The following POM121C variants were observed in gnomAD, a reference collection of about 807,000 sequenced individuals.
POM121C encodes nuclear envelope pore membrane protein POM 121C.
Under a neutral mutation model 66.4 loss-of-function variants are expected in POM121C, and 20 were observed. The ratio of observed to expected loss-of-function variants is 0.30; its 90% confidence interval spans 0.21 to 0.44. The LOEUF (loss-of-function observed/expected upper bound fraction) is 0.44, where lower values mean the gene tolerates loss of function less well. Among genes scored for constraint, POM121C ranks in the 20% least tolerant of loss-of-function variants. POM121C has a pLI of 1.00. For synonymous variants in POM121C, 286 were observed against 528.0 expected (o/e 0.54, Z 6.28); for missense variants, 580 against 1,225.7 (o/e 0.47, Z 7.87).
At chr7:75,476,356 C>T (rs1268925109) in intron 1 of POM121C, among the ~76,000 whole-genome samples, 2 of 151,990 alleles carry the variant, frequency 1.3e-5, no homozygotes, top group African/African-American at 4.8e-5. Context: ...CTTGGCCTCC[C>T]AAAGTATTGG....
chr7:75,463,141 A>G (rs1387077337), intron 3 of POM121C, among the ~76,000 whole-genome samples: 4 of 152,024 alleles, frequency 2.6e-5, no homozygotes, highest in African/African-American at 9.7e-5. Flanking sequence ...TGGCCAACAT[A>G]GTGAAACCCC....
chr7:75,428,670 A>C (rs1790053889), intron 7 of POM121C, among the ~76,000 whole-genome samples: 1 of 152,220 alleles, frequency 6.6e-6, no homozygotes, highest in Non-Finnish European at 1.5e-5. Context: ...CACATCACTG[A>C]GCAAGCAAGG....
At chr7:75,476,840 G>C (rs1158610435) in intron 1 of POM121C, among the ~76,000 whole-genome samples, 2 of 151,860 alleles carry the variant, frequency 1.3e-5, no homozygotes, top group Non-Finnish European at 2.9e-5. Flanking sequence ...ATATAGACTA[G>C]TTTAATATTT....
rs1187393670 is a variant in POM121C, at chr7:75,449,358, TTCTC to T, written c.-151-7715_-151-7712del. 4.0e-3 allele frequency among the ~76,000 whole-genome samples: 591 copies of T among 149,418 alleles called. 1 individual carries two copies. The highest frequency in any genetic ancestry group is 0.014 in the African/African-American group (549 of 40,666). ...AGTTGAGACTCACAACACTCCACTGTTCTCTCTCTTTTTTTTTTTTTTTTGAGAC... is the reference window on the plus strand; with the variant it reads ...AGTTGAGACTCACAACACTCCACTGTTCTCTTTTTTTTTTTTTTTTGAGAC... On this transcript the variant is annotated intron_variant, in intron 3 of 14. Coordinates refer to ENST00000615331, the MANE Select transcript of POM121C (RefSeq NM_001099415.3).
chr7:75,441,600 C>G lies in POM121C; in HGVS notation c.-104G>C, dbSNP rs587706680. The stretch of plus-strand genomic sequence containing the variant: ...ATACTGGGTCTGATGGATCGGATAG[C>G]GTCTTCGAGGTGTTATTACAAACCG... On this transcript the variant is annotated 5_prime_UTR_variant, in exon 4 of 15. Transcript: ENST00000615331. 1 of 1,590,080 alleles carries G rather than the reference C, an allele frequency of 6.3e-7. No homozygotes were observed. The highest frequency in any genetic ancestry group is 8.6e-7 in the Non-Finnish European group (1 of 1,167,668).
intron 7 of POM121C, among the ~76,000 whole-genome samples, chr7:75,427,658 A>C (rs1405456487): frequency 6.6e-6 from 1 of 151,988 alleles, no homozygotes; most frequent in Non-Finnish European, 1.5e-5. Context: ...TAGTCTCGTA[A>C]GTGCTGAGCC....
Position 75,474,855 on chromosome 7 carries a change from G to A in POM121C, c.-303C>T, listed in dbSNP as rs587634225. 6.0e-5 allele frequency: 77 copies of A among 1,278,094 alleles called. 2 individuals are homozygous for A. In the East Asian group the frequency reaches 1.0e-3, roughly 17 times the overall value. 79.2% of individuals were successfully genotyped at this position (1,278,094 alleles called of 1,614,324 possible). A position where few individuals can be genotyped will look rare whatever the true frequency, so the allele number is the denominator to read the frequency against. On this transcript the variant is annotated 5_prime_UTR_variant, in exon 3 of 15. Coordinates refer to ENST00000615331, the MANE Select transcript of POM121C (RefSeq NM_001099415.3). ...CAAGTTGCTCGGCTTCAGAATCTCC[G>A]AAGTACAAGATGTTGCCACCTCATA...
At chr7:75,424,723 C>A (rs1433170669) in intron 10 of POM121C, 95 bp from the exon 11 acceptor site, 11 of 1,518,146 alleles carry the variant, frequency 7.2e-6, no homozygotes, top group South Asian at 3.4e-5. Flanking sequence ...CTCTGGGAGG[C>A]CAAGCCAGCT....
At chr7:75,455,315 A>T (rs1791169250) in intron 3 of POM121C, among the ~76,000 whole-genome samples, 1 of 152,228 alleles carries the variant, frequency 6.6e-6, no homozygotes, top group African/African-American at 2.4e-5. Context: ...TCTTTTTTTG[A>T]GATGGAGTCT....
At chr7:75,442,795 C>G in intron 3 of POM121C, 2 of 1,260,620 alleles carry the variant, frequency 1.6e-6, no homozygotes, top group Non-Finnish European at 2.0e-6. Context: ...CGCGCGCCCG[C>G]CACGTCATGC....
chr7:75,450,929 A>C lies in POM121C; in HGVS notation c.-151-9282T>G, dbSNP rs1322277007. Among the ~76,000 whole-genome samples, 6 of 152,314 alleles carry C rather than the reference A, an allele frequency of 3.9e-5. No individual in the cohort carries two copies. In the East Asian group the frequency reaches 1.2e-3, roughly 29 times the overall value. Reference sequence around the variant, plus strand: ...ATGGAAATCAGCCCTTAGGAAGCCCAGATATTGGACTTAGCAGACAAAGAC... The same window carrying C: ...ATGGAAATCAGCCCTTAGGAAGCCCCGATATTGGACTTAGCAGACAAAGAC... On this transcript the variant is annotated intron_variant, in intron 3 of 14. Transcript: ENST00000615331.
In POM121C at chr7:75,441,040, T is replaced by G. The variant is rs782489992; in HGVS notation, c.141A>C (p.Val47=). ...TCTTCTTCTCTTTGAGGGCACTCAG[T>G]ACAGTCTCCTTTGCACATGGGTCTG... ...NAPDPCAKET[V]LSALKEKKKK... is the part of the protein sequence containing the mutation. The change falls in exon 5 of 15, where the codon GTA becomes GTC. Residue 47 remains valine, a synonymous_variant. Transcript: ENST00000615331. 6.2e-7 allele frequency: 1 copy of G among 1,614,004 alleles called. No homozygotes were observed. The highest frequency in any genetic ancestry group is 8.5e-7 in the Non-Finnish European group (1 of 1,179,868).
At chr7:75,442,271 C>A in intron 3 of POM121C, 3 of 1,452,660 alleles carry the variant, frequency 2.1e-6, no homozygotes, top group Middle Eastern at 4.9e-4. Flanking sequence ...TGGGCGGCGG[C>A]CAGGCCTATT....
chr7:75,424,541 A>G lies in POM121C; in HGVS notation c.856T>C (p.Leu286=). ...TGCTCCTTACCACTCTTGTCCTCCA[A>G]GGCCTGGTTGAACCACTGTAATGAA... ...KASLQWFNQA[L]EDKSDAASNS... The change falls in exon 11 of 15, where the codon TTG becomes CTG. Residue 286 remains leucine, a synonymous_variant. Coordinates refer to ENST00000615331, the MANE Select transcript of POM121C (RefSeq NM_001099415.3). 2 of 1,613,942 alleles carry G rather than the reference A, an allele frequency of 1.2e-6. No homozygotes were observed. The highest frequency in any genetic ancestry group is 1.7e-6 in the Non-Finnish European group (2 of 1,179,816).
chr7:75,434,647 A>G (rs1385832567), intron 7 of POM121C, among the ~76,000 whole-genome samples: 1 of 143,150 alleles, frequency 7.0e-6, no homozygotes, highest in Non-Finnish European at 1.5e-5. Context: ...CAGTGGCGCT[A>G]TCTCTGCTCA....
intron 10 of POM121C, 126 bp downstream of exon 10, chr7:75,424,948 A>G: frequency 1.3e-6 from 2 of 1,500,272 alleles, no homozygotes; most frequent in Middle Eastern, 2.5e-4. Context: ...TGACAGAGGG[A>G]TGTTGTCTCA....
intron 7 of POM121C, among the ~76,000 whole-genome samples, chr7:75,428,886 G>A (rs1473486267): frequency 1.3e-5 from 2 of 151,584 alleles, no homozygotes; most frequent in Admixed American, 6.6e-5. Context: ...AGGCCAAGGT[G>A]GGAGGATCAC....
At chr7:75,419,797 CT>C (rs11366370) in intron 13 of POM121C, 2,798 of 247,028 alleles carry the variant, frequency 0.011, 23 homozygotes, top group Non-Finnish European at 0.015. Context: ...CCTTTTCCCC[CT>C]AGCCACCGTC....
chr7:75,485,280 T>C (rs1270507348), intron 1 of POM121C, among the ~76,000 whole-genome samples: 2 of 152,180 alleles, frequency 1.3e-5, no homozygotes, highest in East Asian at 1.9e-4. Context: ...AACTTGGTTA[T>C]TGCTGCACCT....
Sources: allele counts gnomAD v4.1 joint callset (sites outside exome capture counted in the v4.1 genomes callset), GRCh38; gene constraint gnomAD v4.1.1; transcripts MANE v1.5; gene names NCBI Gene and HGNC (gene_info 2026-07-23, HGNC 2026-07-21).